The following SETDB1 variants were observed in gnomAD, a reference collection of about 807,000 sequenced individuals.
SETDB1 encodes the protein histone-lysine N-methyltransferase SETDB1.
Under a neutral mutation model 137.4 loss-of-function variants are expected in SETDB1, and 31 were observed. The ratio of observed to expected loss-of-function variants is 0.23; its 90% CI spans 0.17 to 0.30. The LOEUF is 0.30. Among genes scored for constraint, SETDB1 ranks in the 10% least tolerant of loss-of-function variants. The pLI is 1.00. For missense variants in SETDB1, 1,113 were observed against 1,631.5 expected, an observed-to-expected ratio of 0.68 and a Z score of 5.47; for synonymous variants, 548 against 579.9, an observed-to-expected ratio of 0.95 and a Z score of 0.79.
intron 14 of SETDB1, among the ~76,000 whole-genome samples, chr1:150,956,708 T>TA (rs1279917866): frequency 6.6e-6 from 1 of 152,204 alleles, no homozygotes. Flanking sequence ...AATAATCTTT[T>TA]ATTTCCCCCT....
At chr1:150,959,386 G>C in intron 15 of SETDB1, 39 bp downstream of exon 15, 1 of 1,517,376 alleles carries the variant, frequency 6.6e-7, no homozygotes, top group Non-Finnish European at 9.0e-7. Flanking sequence ...CTGAGACTGG[G>C]ACATGGTAGG....
rs1166341538 is a variant in SETDB1, at chr1:150,949,392, T to C, written c.1450T>C (p.Ser484Pro). The C allele has an allele frequency of 1.2e-6, 2 of 1,614,218 alleles. No homozygotes were observed. Among genetic ancestry groups the C allele is most frequent in the South Asian group, 2.2e-5 (2 of 91,086 alleles). ...AAGCTTGGAAAGCCAGCTTGCCCAG[T>C]CACGGAAGCAGGTAGCCAAAAAGAG... ...SESLESQLAQ[S>P]RKQVAKKSTS... is the part of the protein sequence containing the mutation. The change falls in exon 12 of 22, where the codon TCA (serine) becomes CCA (proline). Residue 484 changes from serine to proline, a missense_variant. Transcript: ENST00000692827.
chr1:150,949,034 T>C (rs1050025894), intron 10 of SETDB1, 88 bp from the exon 11 acceptor site: 14 of 1,313,824 alleles, frequency 1.1e-5, no homozygotes, highest in African/African-American at 1.0e-4. Context: ...TTCCTTTTTA[T>C]ATTGTATAAG....
chr1:150,930,051 A>G lies in SETDB1; in HGVS notation c.345A>G (p.Glu115=), dbSNP rs1298555152. 3.1e-6 allele frequency: 5 copies of G among 1,614,004 alleles called. No individual in the cohort carries two copies. The highest frequency in any genetic ancestry group is 1.1e-5 in the South Asian group (1 of 91,090). ...LQYRDSSSED[E]SSRPTEIIEI... is the part of the protein sequence containing the mutation. ...ACCGGGACAGTAGCTCTGAGGACGA[A>G]TCTTCCCGGCCTACAGAAATAATTG... The change falls in exon 3 of 22, where the codon GAA becomes GAG. Residue 115 remains glutamate (E), a synonymous_variant. Coordinates refer to ENST00000692827, the MANE Select transcript of SETDB1 (RefSeq NM_001366418.1).
chr1:150,934,300 G>A (rs1021424826), intron 3 of SETDB1, among the ~76,000 whole-genome samples: 1 of 151,966 alleles, frequency 6.6e-6, no homozygotes, highest in Non-Finnish European at 1.5e-5. Flanking sequence ...GTGAAACCCC[G>A]TCTCTACTAA....
At chr1:150,946,453 T>A (rs1211546157) in intron 9 of SETDB1, among the ~76,000 whole-genome samples, 1 of 151,678 alleles carries the variant, frequency 6.6e-6, no homozygotes, top group Non-Finnish European at 1.5e-5. Flanking sequence ...AGATAAGGAA[T>A]TTTTTTTTGG....
chr1:150,950,659 C>T lies in SETDB1; in HGVS notation c.1785C>T (p.Tyr595=). The T allele has an allele frequency of 1.2e-6, 2 of 1,614,168 alleles. No homozygotes were observed. The highest frequency in any genetic ancestry group is 1.7e-6 in the Non-Finnish European group (2 of 1,180,028). ...SRVRPMRNEQ[Y]RGKNPLLVPL... ...TCAGACCTATGAGGAATGAGCAGTA[C>T]CGGGGCAAGAACCCTCTGCTGGTCC... The change falls in exon 13 of 22, where the codon TAC becomes TAT. Residue 595 remains tyrosine (Y), a synonymous_variant. Coordinates refer to ENST00000692827, the MANE Select transcript of SETDB1 (RefSeq NM_001366418.1).
At chr1:150,927,071 T>C (rs587714854) in intron 1 of SETDB1, among the ~76,000 whole-genome samples, 3 of 152,340 alleles carry the variant, frequency 2.0e-5, no homozygotes, top group South Asian at 4.1e-4. Context: ...GGAACACATA[T>C]AGACCACAAA....
chr1:150,932,101 C>T (rs1191233198), intron 3 of SETDB1, among the ~76,000 whole-genome samples: 1 of 151,664 alleles, frequency 6.6e-6, no homozygotes, highest in African/African-American at 2.4e-5. Context: ...AAAAAAAGAT[C>T]TTGGCTGGAT....
In SETDB1 at chr1:150,946,921, T is replaced by A. The variant is rs768055663; in HGVS notation, c.1176T>A (p.Ser392=). The change falls in exon 10 of 22, where the codon TCT becomes TCA. Residue 392 remains serine, a synonymous_variant. Coordinates refer to ENST00000692827, the MANE Select transcript of SETDB1 (RefSeq NM_001366418.1). ...DKRCEWIYRG[S]TRLEPMFSMK... ...GATGTGAGTGGATCTATCGAGGCTC[T>A]ACACGGCTGGAGCCCATGTTCAGCA... The A allele has an allele frequency of 1.2e-6, 2 of 1,614,008 alleles. No homozygotes were observed. Among genetic ancestry groups the A allele is most frequent in the Non-Finnish European group, 1.7e-6 (2 of 1,179,986 alleles).
At chr1:150,937,206 A>G (rs1185512904) in intron 3 of SETDB1, among the ~76,000 whole-genome samples, 2 of 139,852 alleles carry the variant, frequency 1.4e-5, no homozygotes, top group Non-Finnish European at 3.1e-5. Flanking sequence ...AAGAAAAAAA[A>G]AAGACAAACA....
At chr1:150,938,219 C>CA (rs35172878) in intron 3 of SETDB1, among the ~76,000 whole-genome samples, 136,921 of 141,648 alleles carry the variant, frequency 0.97, 66,215 homozygotes, top group Non-Finnish European at 0.99. Context: ...GATTCCATCT[C>CA]AAAAAAAAAA....
At chr1:150,942,491 AC>A (rs908513807) in intron 5 of SETDB1, 71 bp from the exon 6 acceptor site, 21 of 1,338,726 alleles carry the variant, frequency 1.6e-5, no homozygotes, top group Non-Finnish European at 4.1e-6. Flanking sequence ...TTACCATACT[AC>A]CCTCTTTACC....
intron 2 of SETDB1, 112 bp downstream of exon 2, chr1:150,928,086 C>T (rs1669596387): frequency 7.7e-7 from 1 of 1,297,094 alleles, no homozygotes; most frequent in East Asian, 2.4e-5. Context: ...GAGACGGAGT[C>T]TCGCTCTGTC....
At chr1:150,932,151 C>T (rs937730912) in intron 3 of SETDB1, among the ~76,000 whole-genome samples, 3 of 151,182 alleles carry the variant, frequency 2.0e-5, no homozygotes, top group Non-Finnish European at 2.9e-5. Context: ...CTTGGGAGGC[C>T]GAGTTGGGCA....
Position 150,939,958 on chromosome 1 carries a change from C to T in SETDB1, c.431C>T (p.Thr144Ile), listed in dbSNP as rs779733265. ...SIDSGDAGSR[T>I]PKDQKLREAM... ...TCCATAGGTGATGCTGGGAGCAGAA[C>T]TCCAAAAGACCAGAAGGTAAGTTAG... The change falls in exon 4 of 22, where the codon ACT (threonine) becomes ATT (isoleucine). Residue 144 changes from threonine (T) to isoleucine (I), a missense_variant. Transcript: ENST00000692827. The T allele has an allele frequency of 5.6e-6, 9 of 1,612,378 alleles. No homozygotes were observed. In the East Asian group the frequency reaches 1.1e-4, roughly 20 times the overall value.
chr1:150,964,533 A>T lies in SETDB1; in HGVS notation c.*169A>T. The T allele has an allele frequency of 1.4e-6, 1 of 707,466 alleles. No individual in the cohort carries two copies. The highest frequency in any genetic ancestry group is 2.6e-6 in the Non-Finnish European group (1 of 388,660). The allele number at this position is 707,466 out of a possible 1,614,324, so 43.8% of individuals were successfully genotyped here. A position where few individuals can be genotyped will look rare whatever the true frequency, so the allele number is the denominator to read the frequency against. On this transcript the variant is annotated 3_prime_UTR_variant, in exon 22 of 22. Coordinates refer to ENST00000692827, the MANE Select transcript of SETDB1 (RefSeq NM_001366418.1). ...TGATCCCTTCCAATGTGGTGCTAGCAGGCAGGATCCCTTCTCCACCTCCAA... is the reference window on the plus strand; with the variant it reads ...TGATCCCTTCCAATGTGGTGCTAGCTGGCAGGATCCCTTCTCCACCTCCAA...
intron 14 of SETDB1, among the ~76,000 whole-genome samples, chr1:150,951,861 G>A (rs1212206074): frequency 6.6e-6 from 1 of 152,136 alleles, no homozygotes; most frequent in Non-Finnish European, 1.5e-5. Context: ...AAAAAAGTTA[G>A]AATCAGGCTG....
intron 3 of SETDB1, among the ~76,000 whole-genome samples, chr1:150,938,105 C>T (rs1670000938): frequency 6.6e-6 from 1 of 151,696 alleles, no homozygotes; most frequent in South Asian, 2.1e-4. Context: ...CCTGTAACCC[C>T]AGCTACTCAT....
Sources: allele counts gnomAD v4.1 joint callset (sites outside exome capture counted in the v4.1 genomes callset), GRCh38; gene constraint gnomAD v4.1.1; transcripts MANE v1.5; gene names NCBI Gene and HGNC (gene_info 2026-07-23, HGNC 2026-07-21).